The following CFAP20DC variants were observed in gnomAD, a reference collection of about 807,000 sequenced individuals.
CFAP20DC encodes protein CFAP20DC.
Under a neutral mutation model 101.7 loss-of-function variants are expected in CFAP20DC, and 84 were observed. The observed-to-expected ratio is 0.83, with a 90% CI of 0.69 to 0.99. The LOEUF (loss-of-function observed/expected upper bound fraction) is 0.99. Among genes scored for constraint, CFAP20DC ranks in the 50% least tolerant of loss-of-function variants. CFAP20DC has a pLI of 0.00. For missense variants in CFAP20DC, 1,007 were observed against 970.3 expected, an observed-to-expected ratio of 1.04 and a Z score of -0.50; for synonymous variants, 359 against 351.2, an observed-to-expected ratio of 1.02 and a Z score of -0.25.
intron 4 of CFAP20DC, among the ~76,000 whole-genome samples, chr3:59,011,739 T>G (rs1320467211): frequency 2.0e-5 from 3 of 152,106 alleles, no homozygotes; most frequent in African/African-American, 7.2e-5. Flanking sequence ...TAAGCTCAAT[T>G]AGAAATAAAA....
At chr3:58,925,300 A>G (rs567999172) in intron 5 of CFAP20DC, among the ~76,000 whole-genome samples, 4 of 152,310 alleles carry the variant, frequency 2.6e-5, no homozygotes, top group East Asian at 1.9e-4. Context: ...TTTACTTACA[A>G]TCATCCCCAA....
rs1431222745 is a variant in CFAP20DC, at chr3:58,799,721, C to CTGTGTG, written c.2237+6668_2237+6673dup. ...TCGAGAAGGAGCAGTGTGTGTGTGT[C>CTGTGTG]TGTGTGTGTGTCTGTGTGTGTGTGT... On this transcript the variant is annotated intron_variant, in intron 15 of 16. Transcript: ENST00000482387. This position sits in a 1 kb window ranked among gnomAD's most constrained non-coding sequence, Gnocchi z 4.9. Among the ~76,000 whole-genome samples, 1 of 134,556 alleles carries CTGTGTG rather than the reference C, an allele frequency of 7.4e-6. No individual in the cohort carries two copies. Among genetic ancestry groups the CTGTGTG allele is most frequent in the African/African-American group, 3.0e-5 (1 of 32,998 alleles). The allele number at this position is 134,556 out of a possible 152,430, so 88.3% of individuals were successfully genotyped here. A position where few individuals can be genotyped will look rare whatever the true frequency, so the allele number is the denominator to read the frequency against.
intron 7 of CFAP20DC, among the ~76,000 whole-genome samples, chr3:58,879,732 G>A (rs1553706705): frequency 6.6e-6 from 1 of 152,136 alleles, no homozygotes; most frequent in Non-Finnish European, 1.5e-5. Context: ...GACAGAAAGA[G>A]TGTCTTGGGG....
At chr3:58,873,166 G>T (rs185767838) in intron 7 of CFAP20DC, among the ~76,000 whole-genome samples, 2 of 150,772 alleles carry the variant, frequency 1.3e-5, no homozygotes, top group East Asian at 4.0e-4. Flanking sequence ...TCTGGATGCT[G>T]TAAGGCAGAT....
chr3:58,748,883 G>T (rs1369912967), intron 16 of CFAP20DC, among the ~76,000 whole-genome samples: 1 of 152,166 alleles, frequency 6.6e-6, no homozygotes, highest in Non-Finnish European at 1.5e-5. Flanking sequence ...CACACTCAGG[G>T]TCTGTGACCC....
At chr3:58,832,415 G>C (rs1397847160) in intron 13 of CFAP20DC, among the ~76,000 whole-genome samples, 1 of 152,042 alleles carries the variant, frequency 6.6e-6, no homozygotes, top group East Asian at 1.9e-4. Context: ...TGCCTAGTAG[G>C]TGCCCAACCA....
intron 15 of CFAP20DC, among the ~76,000 whole-genome samples, chr3:58,777,710 G>C (rs1024675097): frequency 6.6e-6 from 1 of 152,132 alleles, no homozygotes; most frequent in Non-Finnish European, 1.5e-5. Context: ...TCCTAATGTG[G>C]GGAAAAAGTA....
rs1699853014 is a variant in CFAP20DC at position 59,046,258 on chromosome 3, A to AT, written c.175dup (p.Ile59AsnfsTer8). The AT allele has an allele frequency of 1.3e-6, 2 of 1,532,680 alleles. No individual in the cohort carries two copies. Among genetic ancestry groups the AT allele is most frequent in the African/African-American group, 1.4e-5 (1 of 72,840 alleles). 94.9% of individuals were successfully genotyped at this position (1,532,680 alleles called of 1,614,324 possible). On this transcript the variant is annotated frameshift_variant, in exon 3 of 17. Coordinates refer to ENST00000482387, the MANE Select transcript of CFAP20DC (RefSeq NM_001394063.1). LOFTEE classifies it high-confidence loss of function. The stretch of plus-strand genomic sequence containing the variant: ...TTGCTTATTCTCCTTTGGTAACTGA[A>AT]TTTTGTTTGTTTGGCTGCTGCCTTC...
chr3:58,926,996 T>C (rs542466210), intron 5 of CFAP20DC, among the ~76,000 whole-genome samples: 83 of 152,312 alleles, frequency 5.4e-4, no homozygotes, highest in South Asian at 3.5e-3. Context: ...CATCAACTAA[T>C]TGAAATTACA....
intron 4 of CFAP20DC, among the ~76,000 whole-genome samples, chr3:59,036,509 C>G (rs1019838267): frequency 2.0e-5 from 3 of 152,122 alleles, no homozygotes; most frequent in African/African-American, 7.2e-5. Flanking sequence ...AATAGACAAA[C>G]AGAGAGCCAA....
At chr3:58,816,484 GCAAGGGGT>G (rs2075157328) in intron 14 of CFAP20DC, among the ~76,000 whole-genome samples, 1 of 152,200 alleles carries the variant, frequency 6.6e-6, no homozygotes, top group African/African-American at 2.4e-5. Context: ...CCTGGGAAGC[GCAAGGGGT>G]CAGGGAGTTC....
intron 3 of CFAP20DC, among the ~76,000 whole-genome samples, chr3:59,042,296 G>A (rs567478537): frequency 8.5e-5 from 13 of 152,154 alleles, no homozygotes; most frequent in Admixed American, 1.3e-4. Context: ...AGCAGGAGAC[G>A]GGTTTGGCAA....
chr3:58,817,479 A>G (rs1312429326), intron 14 of CFAP20DC, among the ~76,000 whole-genome samples: 3 of 147,778 alleles, frequency 2.0e-5, no homozygotes, highest in Non-Finnish European at 4.5e-5. Flanking sequence ...AGGCTCGAGA[A>G]CTACGTGAAG....
At chr3:58,819,012 G>T (rs1459285715) in intron 14 of CFAP20DC, among the ~76,000 whole-genome samples, 1 of 151,136 alleles carries the variant, frequency 6.6e-6, no homozygotes, top group Non-Finnish European at 1.5e-5. Context: ...CAACTACGTG[G>T]AAACTGAACA....
chr3:58,856,469 A>C (rs1309003267), intron 12 of CFAP20DC, among the ~76,000 whole-genome samples: 2 of 152,214 alleles, frequency 1.3e-5, no homozygotes. Context: ...CAATCCCTGC[A>C]TGACCTCAGC....
rs2067586111 is a variant in CFAP20DC, at chr3:58,728,384, G to T, written c.198-10756C>A. 6.6e-6 allele frequency among the ~76,000 whole-genome samples: 1 copy of T among 152,222 alleles called. No homozygotes were observed. Among genetic ancestry groups the T allele is most frequent in the Non-Finnish European group, 1.5e-5 (1 of 68,032 alleles). ...ATGAATAGATTCCTGAAAGTTGGTT[G>T]TTCCATGGGATTTATGCCAAAGACT... On this transcript the variant is annotated intron_variant, in intron 3 of 3. Transcript: ENST00000486145. This position sits in a 1 kb window ranked among gnomAD's most constrained non-coding sequence, Gnocchi z 4.7.
rs1335804702 is a variant in CFAP20DC, at chr3:58,864,826, A to C, written c.1259-934T>G. 6.6e-6 allele frequency among the ~76,000 whole-genome samples: 1 copy of C among 152,204 alleles called. No individual in the cohort carries two copies. The highest frequency in any genetic ancestry group is 6.5e-5 in the Admixed American group (1 of 15,276). On this transcript the variant is annotated intron_variant, in intron 11 of 16. Coordinates refer to ENST00000482387, the MANE Select transcript of CFAP20DC (RefSeq NM_001394063.1). The surrounding 1 kb of genome is among the most constrained non-coding windows in gnomAD (Gnocchi z 4.7). Reference sequence around the variant, plus strand: ...ATTCTGCTGGGTGAAAAAGGTCTTTAAGTTTACAAGAGACAATGTTTTGAT... The same window carrying C: ...ATTCTGCTGGGTGAAAAAGGTCTTTCAGTTTACAAGAGACAATGTTTTGAT...
At chr3:58,989,264 C>T (rs946824856) in intron 4 of CFAP20DC, among the ~76,000 whole-genome samples, 4 of 152,076 alleles carry the variant, frequency 2.6e-5, no homozygotes, top group African/African-American at 9.7e-5. Flanking sequence ...GGCTCTAGAT[C>T]TGCAATACTA....
chr3:59,004,441 C>T (rs2093385112), intron 4 of CFAP20DC, among the ~76,000 whole-genome samples: 1 of 152,066 alleles, frequency 6.6e-6, no homozygotes, highest in African/African-American at 2.4e-5. Context: ...ATTTGTAATG[C>T]CCTCTAGCAT....
Sources: gnomAD v4.1 joint callset for allele counts (sites outside exome capture counted in the v4.1 genomes callset) on GRCh38, gnomAD v4.1.1 for gene constraint, Gnocchi (gnomAD v3.1) non-coding constraint, MANE v1.5 for transcripts, NCBI Gene and HGNC (gene_info 2026-07-23, HGNC 2026-07-21) for gene names.